Variants in PRAME observed in about 807,000 individuals in gnomAD.
PRAME encodes the protein melanoma antigen preferentially expressed in tumors.
A neutral mutation model predicts 32.1 loss-of-function variants in PRAME; 21 were observed. The ratio of observed to expected loss-of-function variants is 0.65; its 90% CI spans 0.46 to 0.94. PRAME has a LOEUF of 0.94. PRAME is among the 40% of genes least tolerant of loss of function. PRAME has a pLI of 0.00. For synonymous variants in PRAME, 274 were observed against 251.5 expected (o/e 1.09, Z -0.85); for missense variants, 651 against 622.3 (o/e 1.05, Z -0.49).
In PRAME at chr22:22,552,386, G is replaced by A. The variant is rs2062634836; in HGVS notation, c.22-1297C>T. Among the ~76,000 whole-genome samples, 3 of 123,788 alleles carry A rather than the reference G, an allele frequency of 2.4e-5. No homozygotes were observed. The Admixed American group carries it at 2.8e-4, about 11-fold the overall frequency. The allele number at this position is 123,788 out of a possible 152,430, so 81.2% of individuals were successfully genotyped here. On this transcript the variant is annotated intron_variant, in intron 3 of 5. Coordinates refer to ENST00000405655, the MANE Select transcript of PRAME (RefSeq NM_206956.3). ...AAATTGTAATAAAGTAAAATTCAAA[G>A]TAGATGTCTTTTATTTTCCAAAAAA...
chr22:22,553,981 C>T, intron 3 of PRAME: 6 of 985,190 alleles, frequency 6.1e-6, no homozygotes, highest in African/African-American at 1.7e-5. Flanking sequence ...TTCTTTCTTG[C>T]CCCTAAGCTG....
rs527681899 is a variant in PRAME, at chr22:22,556,748, T to G, written c.21+64A>C. On this transcript the variant is annotated intron_variant, in intron 3 of 5. Coordinates refer to ENST00000405655, the MANE Select transcript of PRAME (RefSeq NM_206956.3). The stretch of plus-strand genomic sequence containing the variant: ...GGATGCAGCTCCCATCTGGCTCGAG[T>G]GACAAGGACAGAGGGGAACAGGGCT... 1.3e-5 allele frequency: 21 copies of G among 1,595,842 alleles called. No individual in the cohort carries two copies. The African/African-American group carries it at 2.4e-4, about 18-fold the overall frequency.
In PRAME at chr22:22,548,490, G is replaced by A. The variant is rs771178784; in HGVS notation, c.1107C>T (p.Leu369=). 2 of 1,613,780 alleles carry A rather than the reference G, an allele frequency of 1.2e-6. No homozygotes were observed. Among genetic ancestry groups the A allele is most frequent in the South Asian group, 2.2e-5 (2 of 91,074 alleles). The stretch of plus-strand genomic sequence containing the variant: ...CAGAGGCTCTCTCCAGCAGAGCTTG[G>A]AGGGGCTCGGGACTTACATCGGTCA... ...VMLTDVSPEP[L]QALLERASAT... Residue 369 remains leucine (L), a synonymous_variant, in exon 6 of 6, where the codon CTC becomes CTT. Coordinates refer to ENST00000405655, the MANE Select transcript of PRAME (RefSeq NM_206956.3).
In PRAME at chr22:22,549,970, C is replaced by A. The variant is rs778405876; in HGVS notation, c.709G>T (p.Asp237Tyr). The A allele has an allele frequency of 6.2e-7, 1 of 1,613,838 alleles. No individual in the cohort carries two copies. The highest frequency in any genetic ancestry group is 8.5e-7 in the Non-Finnish European group (1 of 1,179,974). Residue 237 changes from aspartate (D) to tyrosine (Y), a missense_variant, in exon 5 of 6, where the codon GAT becomes TAT. Coordinates refer to ENST00000405655, the MANE Select transcript of PRAME (RefSeq NM_206956.3). The part of the protein sequence containing the change: ...LKMVQLDSIE[D>Y]LEVTCTWKLP... ...TTCCAGGTACAAGTCACTTCCAAATCTTCAATAGAGTCCAGCTGCACCATT... is the reference window on the plus strand; with the variant it reads ...TTCCAGGTACAAGTCACTTCCAAATATTCAATAGAGTCCAGCTGCACCATT...
At chr22:22,558,620 C>A (rs2063141033) in intron 1 of PRAME, among the ~76,000 whole-genome samples, 1 of 122,428 alleles carries the variant, frequency 8.2e-6, no homozygotes, top group Admixed American at 1.0e-4. Flanking sequence ...CCTTTCCCAC[C>A]AGACAGTAGG....
At chr22:22,557,331 C>T (rs1387568186) in intron 2 of PRAME, 1 of 168,440 alleles carries the variant, frequency 5.9e-6, no homozygotes, top group African/African-American at 2.4e-5. Flanking sequence ...AGCACCGCCG[C>T]CTCGGTTCAA....
At chr22:22,554,069 A>ATTT (rs2062759534) in intron 3 of PRAME, 1 of 983,386 alleles carries the variant, frequency 1.0e-6, no homozygotes. Context: ...TTTCCATGCT[A>ATTT]GGCACAGTGC....
chr22:22,555,354 A>G (rs1349269946), intron 3 of PRAME, among the ~76,000 whole-genome samples: 2 of 151,728 alleles, frequency 1.3e-5, no homozygotes, highest in African/African-American at 4.8e-5. Flanking sequence ...CTCCTGCCTC[A>G]GCCTCCCAAG....
chr22:22,552,387 T>C (rs569953806), intron 3 of PRAME, among the ~76,000 whole-genome samples: 1 of 126,598 alleles, frequency 7.9e-6, no homozygotes. Flanking sequence ...AAATTCAAAG[T>C]AGATGTCTTT....
chr22:22,555,609 TC>T (rs1342474881), intron 3 of PRAME, among the ~76,000 whole-genome samples: 1 of 151,866 alleles, frequency 6.6e-6, no homozygotes, highest in African/African-American at 2.4e-5. Context: ...GCTCAAGTGA[TC>T]CACCCATTTC....
rs541813393 is a variant in PRAME at position 22,550,161 on chromosome 22, A to G, written c.518T>C (p.Ile173Thr). ...CAGGTCTACGAGCACCTCTACTGGA[A>G]TGAAGGGCTGCTCTGCCTCTGTGCT... Reference protein sequence around the residue: ...GLSTEAEQPFIPVEVLVDLFL... With the variant: ...GLSTEAEQPFTPVEVLVDLFL... The change falls in exon 5 of 6, where the codon ATT becomes ACT. Residue 173 changes from isoleucine (I) to threonine (T), a missense_variant. Physicochemically the swap from Ile to Thr is moderately conservative, Grantham distance 89 (BLOSUM62 -1). Transcript: ENST00000405655. 11 of 1,613,748 alleles carry G rather than the reference A, an allele frequency of 6.8e-6. No individual in the cohort carries two copies. The highest frequency in any genetic ancestry group is 9.3e-6 in the Non-Finnish European group (11 of 1,179,970).
intron 2 of PRAME, chr22:22,557,210 C>T (rs1431049156): frequency 7.4e-6 from 2 of 269,438 alleles, no homozygotes; most frequent in Non-Finnish European, 1.3e-5. Context: ...TCCTAGGACG[C>T]CTACGCCACT....
chr22:22,555,798 T>G (rs984925445), intron 3 of PRAME: 5 of 454,682 alleles, frequency 1.1e-5, no homozygotes, highest in African/African-American at 1.0e-4. Context: ...GATGAGGCAG[T>G]GCAATCTTGT....
At chr22:22,555,830 A>G (rs1223643966) in intron 3 of PRAME, 5 of 468,240 alleles carry the variant, frequency 1.1e-5, no homozygotes, top group Non-Finnish European at 2.2e-5. Context: ...CAGGACCGAC[A>G]CTTACCCCTA....
intron 3 of PRAME, among the ~76,000 whole-genome samples, 175 bp downstream of exon 3, chr22:22,556,637 G>A (rs369767176): frequency 2.0e-5 from 3 of 152,044 alleles, no homozygotes. Flanking sequence ...TACAAAGACA[G>A]CACGGGAAGT....
chr22:22,556,799 G>A lies in PRAME; in HGVS notation c.21+13C>T. ...TCTCTGAGCACCTCAGACAGCTCAG[G>A]GGACCTTCTTACCCACAAACGCCTT... On this transcript the variant is annotated intron_variant, in intron 3 of 5. Coordinates refer to ENST00000405655, the MANE Select transcript of PRAME (RefSeq NM_206956.3). 2 of 1,612,632 alleles carry A rather than the reference G, an allele frequency of 1.2e-6. No homozygotes were observed. Among genetic ancestry groups the A allele is most frequent in the Non-Finnish European group, 1.7e-6 (2 of 1,179,786 alleles).
chr22:22,549,140 A>G (rs1340343402), intron 5 of PRAME, among the ~76,000 whole-genome samples: 1 of 151,942 alleles, frequency 6.6e-6, no homozygotes, highest in Admixed American at 6.6e-5. Flanking sequence ...GGGGGTTCCC[A>G]GGCTGCAGGG....
rs757826188 is a variant in PRAME at position 22,548,309 on chromosome 22, G to A, written c.1288C>T (p.Leu430Phe). 11 of 1,613,724 alleles carry A rather than the reference G, an allele frequency of 6.8e-6. No individual in the cohort carries two copies. The South Asian group carries it at 7.7e-5, about 11-fold the overall frequency. ...ISALQSLLQHLIGLSNLTHVL... is the reference protein window; with the variant it reads ...ISALQSLLQHFIGLSNLTHVL... ...TGGGTCAGATTGCTCAGCCCGATGAGGTGCTGCAGGAGACTCTGCAGGGCA... is the reference window on the plus strand; with the variant it reads ...TGGGTCAGATTGCTCAGCCCGATGAAGTGCTGCAGGAGACTCTGCAGGGCA... The change falls in exon 6 of 6, where the codon CTC becomes TTC. Residue 430 changes from leucine to phenylalanine, a missense_variant. By Grantham distance (22) the Leu-to-Phe change is conservative. Coordinates refer to ENST00000405655, the MANE Select transcript of PRAME (RefSeq NM_206956.3).
chr22:22,550,738 C>A, intron 4 of PRAME, 29 bp downstream of exon 4: 2 of 1,546,910 alleles, frequency 1.3e-6, no homozygotes, highest in Non-Finnish European at 1.7e-6. Context: ...TTCCCAGGGC[C>A]CCACACCAAG....
Sources: allele counts gnomAD v4.1 joint callset (sites outside exome capture counted in the v4.1 genomes callset), GRCh38; gene constraint gnomAD v4.1.1; transcripts MANE v1.5; gene names NCBI Gene and HGNC (gene_info 2026-07-23, HGNC 2026-07-21).